The following TCF7L2 variants were observed in gnomAD, a reference collection of about 807,000 sequenced individuals.
TCF7L2 encodes transcription factor 7-like 2.
Under a neutral mutation model 77.9 loss-of-function variants are expected in TCF7L2, and 23 were observed. The observed-to-expected ratio is 0.30, with a 90% CI of 0.21 to 0.42. The LOEUF is 0.42. Among genes scored for constraint, TCF7L2 ranks in the 10% least tolerant of loss-of-function variants. The pLI is 1.00. For missense variants in TCF7L2, 654 were observed against 793.1 expected (o/e 0.82, Z 2.11); for synonymous variants, 413 against 340.2 (o/e 1.21, Z -2.36).
intron 10 of TCF7L2, among the ~76,000 whole-genome samples, chr10:113,152,086 C>T (rs2070862228): frequency 6.6e-6 from 1 of 152,302 alleles, no homozygotes; most frequent in East Asian, 1.9e-4. Flanking sequence ...CAGCCATGCT[C>T]TTCCCCTACC....
At chr10:113,082,442 C>A (rs145521369) in intron 5 of TCF7L2, among the ~76,000 whole-genome samples, 1 of 151,998 alleles carries the variant, frequency 6.6e-6, no homozygotes, top group Non-Finnish European at 1.5e-5. Context: ...CTTTCCCCCC[C>A]ACAGGAAAAA....
intron 5 of TCF7L2, among the ~76,000 whole-genome samples, chr10:113,048,325 C>T (rs553425284): frequency 6.6e-6 from 1 of 152,278 alleles, no homozygotes; most frequent in Non-Finnish European, 1.5e-5. Context: ...CTGATTAACT[C>T]TATGGATGGG....
intron 4 of TCF7L2, among the ~76,000 whole-genome samples, chr10:113,011,960 A>G (rs2046533995): frequency 6.6e-6 from 1 of 151,960 alleles, no homozygotes; most frequent in Admixed American, 6.6e-5. Flanking sequence ...TTACTACCTC[A>G]AGGATTGCTC....
intron 4 of TCF7L2, among the ~76,000 whole-genome samples, chr10:112,985,814 G>C (rs2041389109): frequency 6.6e-6 from 1 of 151,786 alleles, no homozygotes; most frequent in African/African-American, 2.4e-5. Flanking sequence ...AGTTGGGAGG[G>C]CTGCCTGTTA....
intron 3 of TCF7L2, among the ~76,000 whole-genome samples, chr10:112,959,126 A>G (rs1331860514): frequency 1.3e-5 from 2 of 152,132 alleles, no homozygotes; most frequent in Admixed American, 1.3e-4. Context: ...TTTCTCAAAA[A>G]TCAACCCAGA....
intron 4 of TCF7L2, among the ~76,000 whole-genome samples, chr10:112,978,363 AGATATT>A (rs2039823342): frequency 6.6e-6 from 1 of 152,138 alleles, no homozygotes; most frequent in South Asian, 2.1e-4. Context: ...TTTCAGAGCT[AGATATT>A]GGTGTTTTCT....
chr10:112,992,341 GC>G (rs979028501), intron 4 of TCF7L2, among the ~76,000 whole-genome samples: 2 of 152,108 alleles, frequency 1.3e-5, no homozygotes, highest in South Asian at 2.1e-4. Flanking sequence ...CCTCGCCTCC[GC>G]CCCCCAGCCC....
In TCF7L2 at chr10:113,126,599, G is replaced by C. The variant is rs1051055365; in HGVS notation, c.553-14585G>C. 4 of 985,294 alleles carry C rather than the reference G, an allele frequency of 4.1e-6. No individual in the cohort carries two copies. In the African/African-American group the frequency reaches 7.0e-5, roughly 17 times the overall value. 61.0% of individuals were successfully genotyped at this position (985,294 alleles called of 1,614,324 possible). Reference sequence around the variant, plus strand: ...AACGCCCCCTCCCTTTTGTGGGGGGGTGGGTTGTTGTGGAATCGGGGGAGA... The same window carrying C: ...AACGCCCCCTCCCTTTTGTGGGGGGCTGGGTTGTTGTGGAATCGGGGGAGA... On this transcript the variant is annotated intron_variant, in intron 5 of 13. Coordinates refer to ENST00000627217, the MANE Select transcript of TCF7L2 (RefSeq NM_001146274.2).
At chr10:113,161,348 T>G (rs1457831829) in intron 13 of TCF7L2, 7 of 566,076 alleles carry the variant, frequency 1.2e-5, no homozygotes, top group Non-Finnish European at 2.2e-5. Context: ...ATTAACAAAA[T>G]ATATGTGTGT....
At chr10:113,124,555 C>T (rs2065278623) in intron 5 of TCF7L2, among the ~76,000 whole-genome samples, 1 of 151,750 alleles carries the variant, frequency 6.6e-6, no homozygotes, top group Non-Finnish European at 1.5e-5. Context: ...AAGAAATCGC[C>T]GTATATATCT....
chr10:113,011,682 G>A (rs1200417452), intron 4 of TCF7L2, among the ~76,000 whole-genome samples: 1 of 152,080 alleles, frequency 6.6e-6, no homozygotes, highest in East Asian at 1.9e-4. Context: ...ACTACTTTGA[G>A]TATTACTGTT....
At chr10:112,960,771 T>C (rs1323395191) in intron 3 of TCF7L2, among the ~76,000 whole-genome samples, 12 of 151,780 alleles carry the variant, frequency 7.9e-5, no homozygotes, top group Non-Finnish European at 1.8e-4. Context: ...CACTGTAGCC[T>C]CTGCCTTCCC....
chr10:112,974,797 T>C (rs2039055737), intron 4 of TCF7L2, among the ~76,000 whole-genome samples: 1 of 152,160 alleles, frequency 6.6e-6, no homozygotes, highest in African/African-American at 2.4e-5. Flanking sequence ...CTTTATAATA[T>C]TATTTTATAA....
rs144241657 is a variant in TCF7L2, at chr10:113,077,138, T to C, written c.552+37012T>C. ...ATTCTTCCCTGAGTCCTGCAGGAAC[T>C]CAGCCAGGCAGTGGAAAGAAAACAG... is the stretch of plus-strand genomic sequence containing the variant. On this transcript the variant is annotated intron_variant, in intron 5 of 13. Coordinates refer to ENST00000627217, the MANE Select transcript of TCF7L2 (RefSeq NM_001146274.2). 9.7e-4 allele frequency among the ~76,000 whole-genome samples: 148 copies of C among 152,316 alleles called. 1 individual carries two copies. Among genetic ancestry groups the C allele is most frequent in the African/African-American group, 3.5e-3 (144 of 41,582 alleles).
Position 113,077,861 on chromosome 10 carries a change from A to G in TCF7L2, c.552+37735A>G, listed in dbSNP as rs201569340. Among the ~76,000 whole-genome samples, 72 of 15,536 alleles carry G rather than the reference A, an allele frequency of 4.6e-3. No homozygotes were observed. In the East Asian group the frequency reaches 0.18, roughly 38 times the overall value. The allele number at this position is 15,536 out of a possible 152,430, so 10.2% of individuals were successfully genotyped here. A position where few individuals can be genotyped will look rare whatever the true frequency, so the allele number is the denominator to read the frequency against. On this transcript the variant is annotated intron_variant, in intron 5 of 13. Transcript: ENST00000627217. ...CCATGCCACCACGCCTGGCTTGCTT[A>G]TTTATTTATTTATTTATTTATTTAT...
At chr10:113,034,205 T>C (rs1564808540) in intron 4 of TCF7L2, among the ~76,000 whole-genome samples, 1 of 152,248 alleles carries the variant, frequency 6.6e-6, no homozygotes, top group East Asian at 1.9e-4. Context: ...GTGTCCGCTA[T>C]TGGGTTGTAT....
intron 8 of TCF7L2, among the ~76,000 whole-genome samples, chr10:113,150,059 T>C (rs2137091963): frequency 6.6e-6 from 1 of 152,330 alleles, no homozygotes; most frequent in Middle Eastern, 3.4e-3. Flanking sequence ...CTTTCTGTCC[T>C]GGCTAATGTA....
At chr10:112,985,888 G>GTA (rs1435804875) in intron 4 of TCF7L2, among the ~76,000 whole-genome samples, 2 of 151,898 alleles carry the variant, frequency 1.3e-5, no homozygotes, top group African/African-American at 4.8e-5. Context: ...GTGTGTGTGT[G>GTA]TGTGCATTCT....
intron 5 of TCF7L2, among the ~76,000 whole-genome samples, chr10:113,119,590 G>A (rs1373015723): frequency 2.0e-5 from 3 of 151,620 alleles, no homozygotes; most frequent in African/African-American, 4.8e-5. Context: ...GTTATAACTT[G>A]CAAGCAAAAA....
Sources: allele counts gnomAD v4.1 joint callset (sites outside exome capture counted in the v4.1 genomes callset), GRCh38; gene constraint gnomAD v4.1.1; transcripts MANE v1.5; gene names NCBI Gene and HGNC (gene_info 2026-07-23, HGNC 2026-07-21).